The following STPG2 variants were observed in gnomAD, a reference collection of about 807,000 sequenced individuals.
STPG2 encodes the protein sperm tail PG-rich repeat containing 2, also known as sperm-tail PG-rich repeat-containing protein 2.
STPG2 carries 56 observed loss-of-function variants against 54.2 expected under a neutral mutation model. The observed-to-expected ratio is 1.03, with a 90% CI of 0.83 to 1.29. The LOEUF (loss-of-function observed/expected upper bound fraction) is 1.29, where lower values mean the gene tolerates loss of function less well. Ranked by LOEUF, STPG2 falls within the 50% of genes most tolerant of loss-of-function variation. The pLI, the probability that STPG2 is intolerant of heterozygous loss-of-function variation, is 0.00. For synonymous variants in STPG2, 200 were observed against 181.8 expected (o/e 1.10, Z -0.81); for missense variants, 596 against 544.9 (o/e 1.09, Z -0.93).
intron 4 of STPG2, among the ~76,000 whole-genome samples, chr4:97,449,081 A>G (rs1404863989): frequency 6.6e-6 from 1 of 150,718 alleles, no homozygotes; most frequent in Non-Finnish European, 1.5e-5. Context: ...AAAGTAAAAA[A>G]TAAAATAAAA....
At chr4:97,731,851 T>G (rs926201759) in intron 9 of STPG2, among the ~76,000 whole-genome samples, 1 of 152,152 alleles carries the variant, frequency 6.6e-6, no homozygotes, top group Non-Finnish European at 1.5e-5. Context: ...AACCTGGGGG[T>G]TTGGGACCAG....
In STPG2 at chr4:97,808,743, G is replaced by A. The variant is rs564991079; in HGVS notation, c.1204+32030C>T. ...CAACAAAAGCACAAGGATACAGAAA[G>A]GTTGAAAGTAAAAGGAAGAAAAAAA... On this transcript the variant is annotated intron_variant, in intron 9 of 10. Coordinates refer to ENST00000295268, the MANE Select transcript of STPG2 (RefSeq NM_174952.3). Among the ~76,000 whole-genome samples, 10 of 144,604 alleles carry A rather than the reference G, an allele frequency of 6.9e-5. No individual in the cohort carries two copies. The East Asian group carries it at 1.4e-3, about 20-fold the overall frequency. The allele number at this position is 144,604 out of a possible 152,430, so 94.9% of individuals were successfully genotyped here. A position where few individuals can be genotyped will look rare whatever the true frequency, so the allele number is the denominator to read the frequency against.
intron 7 of STPG2, among the ~76,000 whole-genome samples, chr4:97,944,593 T>A (rs1421660666): frequency 6.6e-6 from 1 of 152,116 alleles, no homozygotes; most frequent in Non-Finnish European, 1.5e-5. Context: ...TTCATTTAAT[T>A]AAATAGAATA....
chr4:97,711,669 CTT>C (rs1242814556), intron 10 of STPG2, among the ~76,000 whole-genome samples: 28 of 133,674 alleles, frequency 2.1e-4, no homozygotes, highest in African/African-American at 6.6e-4. Flanking sequence ...TATTTACTTA[CTT>C]TTTTTTTTTT....
At chr4:97,444,991 C>A (rs1027151320) in intron 4 of STPG2, among the ~76,000 whole-genome samples, 1 of 152,070 alleles carries the variant, frequency 6.6e-6, no homozygotes, top group Non-Finnish European at 1.5e-5. Flanking sequence ...GAGTGGAGAT[C>A]GTGCCACTGC....
intron 5 of STPG2, chr4:98,025,453 A>T: frequency 2.1e-6 from 1 of 472,784 alleles, no homozygotes. Flanking sequence ...TTAGAAGACG[A>T]GGAAAGGGTA....
At chr4:97,999,311 G>C (rs1194829358) in intron 5 of STPG2, among the ~76,000 whole-genome samples, 1 of 152,190 alleles carries the variant, frequency 6.6e-6, no homozygotes, top group Non-Finnish European at 1.5e-5. Flanking sequence ...CACAATCCTA[G>C]TTACCAACTT....
intron 3 of STPG2, among the ~76,000 whole-genome samples, chr4:98,114,782 T>TGC (rs1445452675): frequency 6.6e-6 from 1 of 151,548 alleles, no homozygotes; most frequent in East Asian, 1.9e-4. Flanking sequence ...TGTGTGTGTG[T>TGC]GTGTGTGTGT....
At chr4:97,466,062 A>G (rs1729781773) in intron 4 of STPG2, among the ~76,000 whole-genome samples, 1 of 152,106 alleles carries the variant, frequency 6.6e-6, no homozygotes, top group Non-Finnish European at 1.5e-5. Context: ...TTGCTTCTAC[A>G]AGGTTCCAGG....
At chr4:98,027,418 G>A (rs7657179) in intron 5 of STPG2, among the ~76,000 whole-genome samples, 59,918 of 151,940 alleles carry the variant, frequency 0.39, 12,045 homozygotes, top group Middle Eastern at 0.46. Flanking sequence ...CTCAAAGTCT[G>A]AAATCTAATC....
intron 10 of STPG2, among the ~76,000 whole-genome samples, chr4:97,629,466 A>C (rs1164808493): frequency 6.6e-6 from 1 of 152,056 alleles, no homozygotes; most frequent in African/African-American, 2.4e-5. Flanking sequence ...AACAAGATGA[A>C]GATAACAGGA....
chr4:97,965,591 G>A (rs1734068896), intron 7 of STPG2, among the ~76,000 whole-genome samples: 1 of 152,124 alleles, frequency 6.6e-6, no homozygotes. Flanking sequence ...TTCCCAGAAC[G>A]GGCTAACAGA....
intron 4 of STPG2, among the ~76,000 whole-genome samples, chr4:97,511,686 TC>T (rs1373102143): frequency 1.3e-5 from 2 of 152,062 alleles, no homozygotes; most frequent in Non-Finnish European, 2.9e-5. Flanking sequence ...TTCAAGCATG[TC>T]AAGCATTTAT....
At chr4:97,964,470 AAAG>A (rs1248903393) in intron 7 of STPG2, among the ~76,000 whole-genome samples, 1 of 152,222 alleles carries the variant, frequency 6.6e-6, no homozygotes. Flanking sequence ...AATGATAAAA[AAAG>A]AATAAAAATA....
chr4:97,964,228 T>C (rs1399783168), intron 7 of STPG2, among the ~76,000 whole-genome samples: 1 of 152,080 alleles, frequency 6.6e-6, no homozygotes, highest in Non-Finnish European at 1.5e-5. Flanking sequence ...AAAGTCTTAC[T>C]GGGGACAAGG....
intron 8 of STPG2, among the ~76,000 whole-genome samples, chr4:97,879,472 G>C (rs1159390376): frequency 6.6e-6 from 1 of 152,126 alleles, no homozygotes; most frequent in African/African-American, 2.4e-5. Flanking sequence ...GTCTTACATG[G>C]CAGCAGACAA....
intron 8 of STPG2, among the ~76,000 whole-genome samples, chr4:97,878,193 C>A (rs574672805): frequency 6.6e-6 from 1 of 152,288 alleles, no homozygotes; most frequent in South Asian, 2.1e-4. Flanking sequence ...GCTTTCACTG[C>A]TGGCATTGTC....
chr4:97,502,522 C>G (rs1195623124), intron 4 of STPG2, among the ~76,000 whole-genome samples: 1 of 151,912 alleles, frequency 6.6e-6, no homozygotes, highest in Non-Finnish European at 1.5e-5. Flanking sequence ...AAAGAGTATG[C>G]ATGGGTGCTT....
At chr4:97,861,978 G>C (rs1004355216) in intron 8 of STPG2, among the ~76,000 whole-genome samples, 2 of 152,058 alleles carry the variant, frequency 1.3e-5, no homozygotes, top group East Asian at 1.9e-4. Context: ...ATGCCAAATT[G>C]TAAAGACCAT....
Sources: gnomAD v4.1 joint callset for allele counts (sites outside exome capture counted in the v4.1 genomes callset) on GRCh38, gnomAD v4.1.1 for gene constraint, MANE v1.5 for transcripts, NCBI Gene and HGNC (gene_info 2026-07-23, HGNC 2026-07-21) for gene names.